AGFG2: variants seen among roughly 807,000 people sequenced by gnomAD.
AGFG2 encodes the protein arf-GAP domain and FG repeat-containing protein 2.
In AGFG2, 31 loss-of-function variants were observed where a neutral mutation model predicts 48.0. The ratio of observed to expected loss-of-function variants is 0.65; its 90% CI spans 0.49 to 0.87. The LOEUF is 0.87. Among genes scored for constraint, AGFG2 ranks in the 40% least tolerant of loss-of-function variants. The pLI is 0.00. For missense variants in AGFG2, 599 were observed against 632.6 expected (o/e 0.95, Z 0.57); for synonymous variants, 229 against 260.8 (o/e 0.88, Z 1.18).
intron 1 of AGFG2, among the ~76,000 whole-genome samples, chr7:100,548,341 G>T (rs13222012): frequency 9.9e-5 from 15 of 152,026 alleles, no homozygotes; most frequent in African/African-American, 3.6e-4. Context: ...TGGGGACAGA[G>T]TCTTGCTGTT....
chr7:100,558,041 C>T (rs1041402496), intron 6 of AGFG2, among the ~76,000 whole-genome samples: 1 of 152,012 alleles, frequency 6.6e-6, no homozygotes, highest in Admixed American at 6.6e-5. Flanking sequence ...TGGTGAAACC[C>T]TGTCTCTGCT....
intron 1 of AGFG2, among the ~76,000 whole-genome samples, chr7:100,543,712 TTCTC>T (rs1013393384): frequency 3.9e-5 from 6 of 152,186 alleles, no homozygotes; most frequent in African/African-American, 1.4e-4. Flanking sequence ...CTCATTCTTG[TTCTC>T]TCTTTTTTAA....
At chr7:100,564,420 G>T in intron 11 of AGFG2, 117 bp downstream of exon 11, 1 of 1,095,926 alleles carries the variant, frequency 9.1e-7, no homozygotes. Context: ...GAAGGTCTGC[G>T]TTGTCCAAGC....
intron 5 of AGFG2, among the ~76,000 whole-genome samples, chr7:100,554,646 A>C (rs1381594424): frequency 6.6e-6 from 1 of 152,034 alleles, no homozygotes; most frequent in Non-Finnish European, 1.5e-5. Flanking sequence ...CCTTTTTAAA[A>C]ATTTTCAAGC....
Position 100,566,395 on chromosome 7 carries a change from C to T in AGFG2, c.*1404C>T, listed in dbSNP as rs1266322284. ...GGTGTCTGGGCTATTTGTGTGGTGA[C>T]AAGACAGACCTGGTCAGGGGGTGGG... On this transcript the variant is annotated 3_prime_UTR_variant, in exon 12 of 12. Coordinates refer to ENST00000300176, the MANE Select transcript of AGFG2 (RefSeq NM_006076.5). 6.6e-6 allele frequency: 1 copy of T among 152,268 alleles called. No homozygotes were observed. Among genetic ancestry groups the T allele is most frequent in the African/African-American group, 2.4e-5 (1 of 41,462 alleles). The allele number at this position is 152,268 out of a possible 1,614,324, so 9.4% of individuals were successfully genotyped here. A position where few individuals can be genotyped will look rare whatever the true frequency, so the allele number is the denominator to read the frequency against.
In AGFG2 at chr7:100,539,479, C is replaced by A. The variant is rs1057363904; in HGVS notation, c.133C>A (p.Arg45Ser). The change falls in exon 1 of 12, where the codon CGC becomes AGC. Residue 45 changes from arginine (R) to serine (S), a missense_variant. By Grantham distance (110) the Arg-to-Ser change is moderately radical. Coordinates refer to ENST00000300176, the MANE Select transcript of AGFG2 (RefSeq NM_006076.5). ...GGGTGGCTGCAGCCAGGCCGGGAAC[C>A]GCCACTGCTTCGAGTGCGCCCAGCG... ...ELGGCSQAGN[R>S]HCFECAQRGV... The A allele has an allele frequency of 2.3e-6, 3 of 1,319,504 alleles. No homozygotes were observed. The highest frequency in any genetic ancestry group is 2.9e-6 in the Non-Finnish European group (3 of 1,029,202). The allele number at this position is 1,319,504 out of a possible 1,614,324, so 81.7% of individuals were successfully genotyped here.
chr7:100,564,229 G>A lies in AGFG2; in HGVS notation c.1312G>A (p.Gly438Arg), dbSNP rs1284345329. 1.9e-6 allele frequency: 3 copies of A among 1,612,320 alleles called. No individual in the cohort carries two copies. The highest frequency in any genetic ancestry group is 1.1e-5 in the South Asian group (1 of 90,598). Residue 438 changes from glycine (G) to arginine (R), a missense_variant, in exon 11 of 12, where the codon GGG becomes AGG. Coordinates refer to ENST00000300176, the MANE Select transcript of AGFG2 (RefSeq NM_006076.5). ...CTCTCGCCCCCTAGGCTCTTCCTTC[G>A]GGGACTTAGGATCAGCCAAGTTGGG... Reference protein sequence around the residue: ...LVQQQNGSSFGDLGSAKLGQR... With the variant: ...LVQQQNGSSFRDLGSAKLGQR...
intron 1 of AGFG2, among the ~76,000 whole-genome samples, chr7:100,541,782 A>AG (rs1800426329): frequency 6.6e-6 from 1 of 150,426 alleles, no homozygotes; most frequent in South Asian, 2.1e-4. Context: ...AAAAAAAAAA[A>AG]GGAGTATGTA....
chr7:100,548,701 C>G, intron 1 of AGFG2, 121 bp from the exon 2 acceptor site: 1 of 670,126 alleles, frequency 1.5e-6, no homozygotes, highest in Non-Finnish European at 2.7e-6. Flanking sequence ...TGGGGGGGTT[C>G]TATCTGAGCT....
chr7:100,556,639 C>T (rs1465213127), intron 6 of AGFG2: 2 of 1,288,832 alleles, frequency 1.6e-6, no homozygotes, highest in Non-Finnish European at 2.0e-6. Context: ...AAGTTATTAT[C>T]CCCACCCCAG....
At position 100,542,874 on chromosome 7, in the gene AGFG2, C is replaced by T. The variant is rs567594495; in HGVS notation, c.221+3307C>T. ...ACGAACTTATTCAGTGCCTATCAAG[C>T]GCCAGACACTGTTTTAGGTACTGGA... On this transcript the variant is annotated intron_variant, in intron 1 of 11. Coordinates refer to ENST00000300176, the MANE Select transcript of AGFG2 (RefSeq NM_006076.5). 3.9e-5 allele frequency among the ~76,000 whole-genome samples: 6 copies of T among 152,186 alleles called. No homozygotes were observed. In the East Asian group the frequency reaches 5.8e-4, roughly 15 times the overall value.
At chr7:100,559,033 C>T (rs1355436740) in intron 6 of AGFG2, among the ~76,000 whole-genome samples, 1 of 152,064 alleles carries the variant, frequency 6.6e-6, no homozygotes, top group African/African-American at 2.4e-5. Context: ...ACTGGGGAGG[C>T]TGAGGCAGGA....
Position 100,562,397 on chromosome 7 carries a change from G to A in AGFG2, c.998+18G>A. 1 of 1,612,768 alleles carries A rather than the reference G, an allele frequency of 6.2e-7. No homozygotes were observed. The highest frequency in any genetic ancestry group is 2.2e-5 in the East Asian group (1 of 44,868). On this transcript the variant is annotated intron_variant, in intron 7 of 11. Transcript: ENST00000300176. The surrounding 1 kb of genome is among the most constrained non-coding windows in gnomAD (Gnocchi z 5.4). ...CCTAGCAGGTAGGTACAGACAGTGG[G>A]CAGTCTGCTGTAGGGCAGGAGAGCC... is the stretch of plus-strand genomic sequence containing the variant.
In AGFG2 at chr7:100,539,429, TG is replaced by T; in HGVS notation, c.84del (p.Trp29GlyfsTer46). On this transcript the variant is annotated frameshift_variant, in exon 1 of 12. Transcript: ENST00000300176. LOFTEE classifies it high-confidence loss of function. ...GKAEAEAASE[V>X]WCRRVRELGG... ...GCGGAGGCGGAGGCGGCCTCGGAGG[TG>T]TGGTGCCGTCGGGTGCGGGAGCTGG... 1 of 1,315,656 alleles carries T rather than the reference TG, an allele frequency of 7.6e-7. No homozygotes were observed. The highest frequency in any genetic ancestry group is 9.7e-7 in the Non-Finnish European group (1 of 1,030,110). The allele number at this position is 1,315,656 out of a possible 1,614,324, so 81.5% of individuals were successfully genotyped here.
At chr7:100,549,708 A>T (rs1800586669) in intron 2 of AGFG2, among the ~76,000 whole-genome samples, 1 of 150,324 alleles carries the variant, frequency 6.7e-6, no homozygotes, top group Non-Finnish European at 1.5e-5. Context: ...TATTTATCAG[A>T]GACAAGCTCT....
intron 3 of AGFG2, among the ~76,000 whole-genome samples, chr7:100,552,594 CTG>C (rs1800669589): frequency 6.6e-6 from 1 of 152,294 alleles, no homozygotes; most frequent in Middle Eastern, 3.4e-3. Flanking sequence ...TGGGAGGTAA[CTG>C]TGAGGTAGAG....
chr7:100,555,912 G>A, intron 6 of AGFG2, 177 bp downstream of exon 6: 1 of 823,046 alleles, frequency 1.2e-6, no homozygotes, highest in Admixed American at 2.8e-5. Flanking sequence ...GGGAGAGGGG[G>A]CTCTACTGTT....
chr7:100,558,414 G>A (rs1298703169), intron 6 of AGFG2, among the ~76,000 whole-genome samples: 2 of 152,024 alleles, frequency 1.3e-5, no homozygotes, highest in African/African-American at 2.4e-5. Flanking sequence ...TAGTAAGAAA[G>A]GTGTGCTCCT....
At chr7:100,553,991 TTCTC>T in intron 4 of AGFG2, 98 bp from the exon 5 acceptor site, 1 of 1,392,742 alleles carries the variant, frequency 7.2e-7, no homozygotes, top group South Asian at 1.4e-5. Flanking sequence ...ACTCACTGTC[TTCTC>T]TCTCTACCTG....
Sources: allele counts gnomAD v4.1 joint callset (sites outside exome capture counted in the v4.1 genomes callset), GRCh38; gene constraint gnomAD v4.1.1; non-coding constraint Gnocchi (gnomAD v3.1); transcripts MANE v1.5; gene names NCBI Gene and HGNC (gene_info 2026-07-23, HGNC 2026-07-21).